The following NMNAT2 variants were observed in gnomAD, a reference collection of about 807,000 sequenced individuals.
NMNAT2 encodes nicotinamide/nicotinic acid mononucleotide adenylyltransferase 2.
A neutral mutation model predicts 41.6 loss-of-function variants in NMNAT2; 11 were observed. The observed-to-expected ratio is 0.26, with a 90% CI of 0.17 to 0.44. The LOEUF (loss-of-function observed/expected upper bound fraction) is 0.44. Among genes scored for constraint, NMNAT2 ranks in the 20% least tolerant of loss-of-function variants. The pLI is 1.00. For synonymous variants in NMNAT2, 148 were observed against 151.2 expected, an observed-to-expected ratio of 0.98 and a Z score of 0.16; for missense variants, 288 against 407.7, an observed-to-expected ratio of 0.71 and a Z score of 2.53.
intron 1 of NMNAT2, among the ~76,000 whole-genome samples, chr1:183,345,265 C>G (rs564422703): frequency 6.6e-6 from 1 of 152,160 alleles, no homozygotes; most frequent in South Asian, 2.1e-4. Context: ...TTTGACCCCT[C>G]CAAAATTATG....
intron 1 of NMNAT2, among the ~76,000 whole-genome samples, chr1:183,296,757 G>C (rs905537069): frequency 2.0e-5 from 3 of 151,924 alleles, no homozygotes; most frequent in Non-Finnish European, 4.4e-5. Context: ...CAGGTGATCT[G>C]ACCACCTCAG....
rs1648407977 is a variant in NMNAT2, at chr1:183,389,824, GAAAGAAAGAAAGAAA to G, written c.85+28344_85+28358del. Among the ~76,000 whole-genome samples, 6 of 54,292 alleles carry G rather than the reference GAAAGAAAGAAAGAAA, an allele frequency of 1.1e-4. 1 individual carries two copies. Among genetic ancestry groups the G allele is most frequent in the African/African-American group, 3.1e-4 (5 of 16,296 alleles). The allele number at this position is 54,292 out of a possible 152,430, so 35.6% of individuals were successfully genotyped here. On this transcript the variant is annotated intron_variant, in intron 1 of 10. Transcript: ENST00000287713. ...AGAAAGAAAGAAAGAAAGAAAGAAA[GAAAGAAAGAAAGAAA>G]GAAAGGAAAAAAGAGAAAGAAAGAA...
At chr1:183,273,837 CCCTCCCTTCCTTCCTTCCTTCCTT>C (rs1204753197) in intron 8 of NMNAT2, among the ~76,000 whole-genome samples, 2 of 2,922 alleles carry the variant, frequency 6.8e-4, no homozygotes, top group Non-Finnish European at 4.0e-3. Flanking sequence ...CTCCCTCCCT[CCCTCCCTTCCTTCCTTCCTTCCTT>C]CCTTCCTTCC....
chr1:183,291,711 CAGGACTTACAATGTTAAG>C (rs796203699), intron 3 of NMNAT2, among the ~76,000 whole-genome samples: 42 of 152,316 alleles, frequency 2.8e-4, no homozygotes, highest in Middle Eastern at 3.4e-3. Flanking sequence ...CCCAGAAGAT[CAGGACTTACAATGTTAAG>C]AGGCCTCATT....
chr1:183,351,377 T>C (rs562078128), intron 1 of NMNAT2, among the ~76,000 whole-genome samples: 1 of 152,182 alleles, frequency 6.6e-6, no homozygotes, highest in Admixed American at 6.5e-5. Flanking sequence ...GAGCCCTGGA[T>C]GAACAGGAGT....
At chr1:183,370,543 A>T (rs1315279707) in intron 1 of NMNAT2, among the ~76,000 whole-genome samples, 1 of 152,160 alleles carries the variant, frequency 6.6e-6, no homozygotes, top group African/African-American at 2.4e-5. Context: ...ACTTCACCAT[A>T]GAAGGAAACT....
chr1:183,352,547 A>T (rs1266036909), intron 1 of NMNAT2, among the ~76,000 whole-genome samples: 1 of 121,904 alleles, frequency 8.2e-6, no homozygotes. Context: ...TGGATGATGG[A>T]GTCACAGTCT....
At chr1:183,384,889 C>T (rs1160273865) in intron 1 of NMNAT2, among the ~76,000 whole-genome samples, 1 of 151,920 alleles carries the variant, frequency 6.6e-6, no homozygotes, top group Admixed American at 6.6e-5. Context: ...ATGACCAAGA[C>T]CATTACCAAA....
intron 1 of NMNAT2, among the ~76,000 whole-genome samples, chr1:183,406,105 TAA>T (rs1237130698): frequency 2.0e-5 from 3 of 152,140 alleles, no homozygotes; most frequent in African/African-American, 2.4e-5. Context: ...GTGCCACAAA[TAA>T]AGGGATTACT....
rs186419294 is a variant in NMNAT2, at chr1:183,261,365, T to C, written c.652-62A>G. 3.0e-6 allele frequency: 4 copies of C among 1,342,618 alleles called. No homozygotes were observed. In the Admixed American group the frequency reaches 5.7e-5, roughly 19 times the overall value. 83.2% of individuals were successfully genotyped at this position (1,342,618 alleles called of 1,614,324 possible). A position where few individuals can be genotyped will look rare whatever the true frequency, so the allele number is the denominator to read the frequency against. ...TGATCCCAAACTCCTACCAAGCAACTACTTAGCATGGCAGAATCCGCTTCC... is the reference window on the plus strand; with the variant it reads ...TGATCCCAAACTCCTACCAAGCAACCACTTAGCATGGCAGAATCCGCTTCC... On this transcript the variant is annotated intron_variant, in intron 8 of 10. Transcript: ENST00000287713.
chr1:183,397,167 T>C (rs982437907), intron 1 of NMNAT2, among the ~76,000 whole-genome samples: 2 of 152,158 alleles, frequency 1.3e-5, no homozygotes, highest in African/African-American at 4.8e-5. Flanking sequence ...CTCCATACTT[T>C]CACTGTTTTC....
At chr1:183,374,052 A>G (rs756808038) in intron 1 of NMNAT2, among the ~76,000 whole-genome samples, 36 of 152,224 alleles carry the variant, frequency 2.4e-4, no homozygotes, top group Admixed American at 6.5e-4. Flanking sequence ...GTTGGATACA[A>G]TAACTCAGGT....
chr1:183,380,089 C>T (rs1410501406), intron 1 of NMNAT2, among the ~76,000 whole-genome samples: 1 of 152,180 alleles, frequency 6.6e-6, no homozygotes, highest in Non-Finnish European at 1.5e-5. Context: ...AAAGCTATCC[C>T]TTACATCACA....
intron 1 of NMNAT2, among the ~76,000 whole-genome samples, chr1:183,380,521 GAC>G (rs1663782298): frequency 6.6e-6 from 1 of 152,072 alleles, no homozygotes. Flanking sequence ...AATATCATGA[GAC>G]AGTCTGTGCT....
chr1:183,323,875 G>A (rs1189950021), intron 1 of NMNAT2, among the ~76,000 whole-genome samples: 1 of 152,256 alleles, frequency 6.6e-6, no homozygotes, highest in Non-Finnish European at 1.5e-5. Flanking sequence ...AAGAGGCTAA[G>A]AGAGAGAAAG....
At chr1:183,285,181 G>C (rs144501893) in intron 5 of NMNAT2, among the ~76,000 whole-genome samples, 42 of 152,306 alleles carry the variant, frequency 2.8e-4, no homozygotes, top group African/African-American at 1.0e-3. Context: ...TGTTTTAAAT[G>C]TGTATTATGC....
chr1:183,352,494 C>T lies in NMNAT2; in HGVS notation c.86-58701G>A, dbSNP rs57046114. ...AGGAGAATCGCTTGAACTCGGGCATCGGAGGTTGCAGTGAGCCAAGATCAC... is the reference window on the plus strand; with the variant it reads ...AGGAGAATCGCTTGAACTCGGGCATTGGAGGTTGCAGTGAGCCAAGATCAC... On this transcript the variant is annotated intron_variant, in intron 1 of 10. Transcript: ENST00000287713. Among the ~76,000 whole-genome samples, 1,079 of 139,576 alleles carry T rather than the reference C, an allele frequency of 7.7e-3. 16 individuals carry two copies. The highest frequency in any genetic ancestry group is 0.028 in the African/African-American group (1,038 of 37,234). 91.6% of individuals were successfully genotyped at this position (139,576 alleles called of 152,430 possible).
intron 1 of NMNAT2, among the ~76,000 whole-genome samples, chr1:183,339,743 C>G (rs930609642): frequency 8.0e-5 from 12 of 149,438 alleles, no homozygotes; most frequent in African/African-American, 2.7e-4. Flanking sequence ...GATAACTGCC[C>G]TGCCACCCAG....
chr1:183,415,143 G>A (rs1163904915), intron 1 of NMNAT2, among the ~76,000 whole-genome samples: 1 of 151,998 alleles, frequency 6.6e-6, no homozygotes, highest in Non-Finnish European at 1.5e-5. Context: ...CACCATACCT[G>A]GCTAATTTTT....
Sources: allele counts gnomAD v4.1 joint callset (sites outside exome capture counted in the v4.1 genomes callset), GRCh38; gene constraint gnomAD v4.1.1; transcripts MANE v1.5; gene names NCBI Gene and HGNC (gene_info 2026-07-23, HGNC 2026-07-21).